TEX36: variants seen among roughly 807,000 people sequenced by gnomAD.
TEX36 encodes testis-expressed protein 36.
TEX36 carries 12 observed loss-of-function variants against 13.6 expected under a neutral mutation model. That is an observed-to-expected ratio of 0.88 (90% CI 0.56 to 1.43). TEX36 has a LOEUF of 1.43. Ranked by LOEUF, TEX36 falls within the 40% of genes most tolerant of loss-of-function variation. TEX36 has a pLI of 0.00. For synonymous variants in TEX36, 93 were observed against 83.0 expected, an observed-to-expected ratio of 1.12 and a Z score of -0.65; for missense variants, 224 against 228.3, an observed-to-expected ratio of 0.98 and a Z score of 0.12.
At chr10:125,626,181 C>T (rs922079844) in intron 3 of TEX36, among the ~76,000 whole-genome samples, 4 of 152,192 alleles carry the variant, frequency 2.6e-5, no homozygotes, top group African/African-American at 7.2e-5. Flanking sequence ...CTGCTCCCTC[C>T]TCCTCCCTTC....
At chr10:125,608,862 C>T (rs537959376) in intron 3 of TEX36, among the ~76,000 whole-genome samples, 32 of 151,012 alleles carry the variant, frequency 2.1e-4, no homozygotes, top group East Asian at 7.8e-4. Context: ...AGGCCGGGCG[C>T]GGTGGCTAAC....
chr10:125,630,739 A>G (rs12218390), intron 3 of TEX36, among the ~76,000 whole-genome samples: 7,635 of 152,238 alleles, frequency 0.05, 210 homozygotes, highest in East Asian at 0.094. Flanking sequence ...TCTCCATCCA[A>G]CTGCGAGCCA....
intron 3 of TEX36, among the ~76,000 whole-genome samples, chr10:125,595,434 T>C (rs937627719): frequency 1.3e-5 from 2 of 152,170 alleles, no homozygotes; most frequent in African/African-American, 4.8e-5. Flanking sequence ...CTAGCTAATC[T>C]CTCTGTTGCC....
rs1471672852 is a variant in TEX36, at chr10:125,583,603, T to C, written c.265-6729A>G. On this transcript the variant is annotated intron_variant, in intron 3 of 3. Transcript: ENST00000532135. ...TCATACTGGCAATTGAATTTCAGCA[T>C]GTAAATTGTAGAGGACACACTCAGA... Among the ~76,000 whole-genome samples the C allele has an allele frequency of 3.9e-5, 6 of 152,212 alleles. No individual in the cohort carries two copies. In the East Asian group the frequency reaches 1.2e-3, roughly 29 times the overall value.
intron 3 of TEX36, among the ~76,000 whole-genome samples, chr10:125,597,296 A>G (rs1846092602): frequency 6.6e-6 from 1 of 152,198 alleles, no homozygotes; most frequent in Non-Finnish European, 1.5e-5. Flanking sequence ...TCCAGAGCCC[A>G]ACCACTGTTA....
At chr10:125,610,116 G>A (rs1316783282) in intron 3 of TEX36, among the ~76,000 whole-genome samples, 1 of 152,214 alleles carries the variant, frequency 6.6e-6, no homozygotes, top group Non-Finnish European at 1.5e-5. Context: ...AAAGACTGGG[G>A]AACCCTCAGA....
intron 3 of TEX36, among the ~76,000 whole-genome samples, chr10:125,657,381 C>A (rs1300564485): frequency 3.3e-5 from 5 of 152,236 alleles, no homozygotes; most frequent in Non-Finnish European, 5.9e-5. Flanking sequence ...GATCAGCCCC[C>A]AGAACCAGAG....
At chr10:125,600,073 T>A (rs1300320963) in intron 3 of TEX36, among the ~76,000 whole-genome samples, 1 of 152,186 alleles carries the variant, frequency 6.6e-6, no homozygotes, top group Non-Finnish European at 1.5e-5. Flanking sequence ...CTGGATCCAA[T>A]TTATTTAGGC....
At chr10:125,608,988 AAAAG>A in intron 3 of TEX36, among the ~76,000 whole-genome samples, 1 of 134,482 alleles carries the variant, frequency 7.4e-6, no homozygotes, top group East Asian at 2.0e-4. Context: ...AAAAAAAAAA[AAAAG>A]AAAGAAAAGA....
intron 3 of TEX36, among the ~76,000 whole-genome samples, chr10:125,597,454 A>C (rs1846094617): frequency 6.6e-6 from 1 of 152,272 alleles, no homozygotes; most frequent in South Asian, 2.1e-4. Flanking sequence ...ACTGCCCAAT[A>C]GCTTACAAGC....
chr10:125,600,203 G>A (rs1410004253), intron 3 of TEX36, among the ~76,000 whole-genome samples: 3 of 152,210 alleles, frequency 2.0e-5, no homozygotes, highest in Non-Finnish European at 4.4e-5. Flanking sequence ...TACTTTCTCA[G>A]AAAGTCTGCA....
intron 1 of TEX36, among the ~76,000 whole-genome samples, chr10:125,679,743 T>A (rs1372391543): frequency 6.6e-6 from 1 of 152,234 alleles, no homozygotes; most frequent in African/African-American, 2.4e-5. Flanking sequence ...CTCTCTTGGA[T>A]AACATATTTG....
chr10:125,620,513 A>T (rs1846417028), downstream of TEX36, among the ~76,000 whole-genome samples: 1 of 152,216 alleles, frequency 6.6e-6, no homozygotes, highest in South Asian at 2.1e-4. Context: ...CATGGCAAAC[A>T]GGGATCAGGA....
intron 1 of TEX36, chr10:125,668,048 C>G (rs1184191813): frequency 1.6e-6 from 1 of 644,126 alleles, no homozygotes; most frequent in Non-Finnish European, 2.8e-6. Context: ...AATCTTTGGC[C>G]AGGGATCTCC....
chr10:125,622,914 C>A (rs938951567), intron 3 of TEX36, among the ~76,000 whole-genome samples: 8 of 152,200 alleles, frequency 5.3e-5, no homozygotes, highest in Non-Finnish European at 1.5e-5. Flanking sequence ...GTTGCGTCTC[C>A]TGGTGACAGC....
At chr10:125,633,123 C>CAA (rs1186721888) in intron 3 of TEX36, among the ~76,000 whole-genome samples, 5 of 142,634 alleles carry the variant, frequency 3.5e-5, no homozygotes, top group African/African-American at 7.7e-5. Flanking sequence ...GACCCTGTCT[C>CAA]AAAAAAAAAA....
intron 3 of TEX36, among the ~76,000 whole-genome samples, chr10:125,630,258 A>G (rs1846535665): frequency 6.6e-6 from 1 of 152,226 alleles, no homozygotes; most frequent in Non-Finnish European, 1.5e-5. Context: ...TAAAATGTCC[A>G]TTCTCCGAGT....
At chr10:125,598,876 C>T (rs1411431140) in intron 3 of TEX36, among the ~76,000 whole-genome samples, 1 of 152,108 alleles carries the variant, frequency 6.6e-6, no homozygotes, top group Non-Finnish European at 1.5e-5. Context: ...TGTTGGAACT[C>T]CCAATCCAAA....
downstream of TEX36, among the ~76,000 whole-genome samples, chr10:125,618,219 GC>G (rs1846382888): frequency 6.6e-6 from 1 of 152,066 alleles, no homozygotes; most frequent in African/African-American, 2.4e-5. Flanking sequence ...CAACTTCTTT[GC>G]CTTTGGTTTG....
Sources: gnomAD v4.1 joint callset for allele counts (sites outside exome capture counted in the v4.1 genomes callset) on GRCh38, gnomAD v4.1.1 for gene constraint, MANE v1.5 for transcripts, NCBI Gene and HGNC (gene_info 2026-07-23, HGNC 2026-07-21) for gene names.